Variants in RYR2 observed in about 807,000 individuals in gnomAD.
RYR2 encodes ryanodine receptor 2.
Under a neutral mutation model 601.1 loss-of-function variants are expected in RYR2, and 227 were observed. That is an observed-to-expected ratio of 0.38 (90% CI 0.34 to 0.42). The LOEUF (loss-of-function observed/expected upper bound fraction) is 0.42, where lower values mean the gene tolerates loss of function less well. Ranked by LOEUF, RYR2 falls within the 10% of genes least tolerant of loss-of-function variation. The pLI, the probability that RYR2 is intolerant of heterozygous loss-of-function variation, is 1.00. For synonymous variants in RYR2, 2,223 were observed against 2,175.1 expected (o/e 1.02, Z -0.61); for missense variants, 4,646 against 6,156.5 (o/e 0.75, Z 8.21).
At chr1:237,327,276 G>A (rs1315521830) in intron 2 of RYR2, among the ~76,000 whole-genome samples, 1 of 152,058 alleles carries the variant, frequency 6.6e-6, no homozygotes, top group African/African-American at 2.4e-5. Flanking sequence ...TAAGACACAG[G>A]GAATTGCCTT....
intron 2 of RYR2, among the ~76,000 whole-genome samples, chr1:237,278,053 T>C (rs1043915691): frequency 2.6e-5 from 4 of 151,900 alleles, no homozygotes; most frequent in Non-Finnish European, 4.4e-5. Flanking sequence ...CTGTTTTTCT[T>C]TGTGGATTTT....
intron 10 of RYR2, among the ~76,000 whole-genome samples, chr1:237,395,611 A>G (rs1702774089): frequency 7.4e-6 from 1 of 134,358 alleles, no homozygotes; most frequent in African/African-American, 2.9e-5. Flanking sequence ...CAGTGGCGCG[A>G]TCTCTGCTCA....
chr1:237,398,733 C>A (rs1406996619), intron 10 of RYR2, among the ~76,000 whole-genome samples: 1 of 152,212 alleles, frequency 6.6e-6, no homozygotes, highest in African/African-American at 2.4e-5. Flanking sequence ...CAATAGTACT[C>A]CTGGGCATTT....
intron 73 of RYR2, among the ~76,000 whole-genome samples, chr1:237,722,282 A>C (rs1488464173): frequency 6.6e-6 from 1 of 152,096 alleles, no homozygotes; most frequent in East Asian, 1.9e-4. Flanking sequence ...AAATCTACCC[A>C]ACCACCAAAG....
At chr1:237,325,182 T>C (rs1405529463) in intron 2 of RYR2, among the ~76,000 whole-genome samples, 3 of 152,210 alleles carry the variant, frequency 2.0e-5, no homozygotes, top group African/African-American at 7.2e-5. Context: ...TCAGCAGGAA[T>C]ATGGTGTATC....
At chr1:237,178,416 CTGTGTGTGTGTGTGTGTGTGTGTG>C (rs201867544) in intron 1 of RYR2, among the ~76,000 whole-genome samples, 218 of 129,786 alleles carry the variant, frequency 1.7e-3, no homozygotes, top group Admixed American at 7.6e-3. Flanking sequence ...AGTTAAGGCT[CTGTGTGTGTGTGTGTGTGTGTGTG>C]TGTGTGTGTG....
intron 71 of RYR2, among the ~76,000 whole-genome samples, chr1:237,715,593 G>A (rs1322026055): frequency 6.6e-6 from 1 of 152,046 alleles, no homozygotes; most frequent in East Asian, 1.9e-4. Flanking sequence ...CCAGATATAA[G>A]CTCCTTCTGC....
intron 1 of RYR2, among the ~76,000 whole-genome samples, chr1:237,086,099 A>C (rs1231312937): frequency 6.6e-6 from 1 of 152,262 alleles, no homozygotes; most frequent in Non-Finnish European, 1.5e-5. Context: ...TAATGCCTGC[A>C]TTAGTTTGCC....
At chr1:237,467,653 G>A (rs1302409926) in intron 16 of RYR2, among the ~76,000 whole-genome samples, 3 of 152,098 alleles carry the variant, frequency 2.0e-5, no homozygotes, top group African/African-American at 7.2e-5. Context: ...CGTCTTTTCT[G>A]TGTGTTTCTT....
At chr1:237,265,519 A>G (rs1688976601) in intron 1 of RYR2, among the ~76,000 whole-genome samples, 1 of 151,964 alleles carries the variant, frequency 6.6e-6, no homozygotes, top group Non-Finnish European at 1.5e-5. Flanking sequence ...ATGGGGTTTC[A>G]CCATGTTGGC....
chr1:237,103,492 C>G (rs1199487580), intron 1 of RYR2, among the ~76,000 whole-genome samples: 1 of 152,220 alleles, frequency 6.6e-6, no homozygotes, highest in Non-Finnish European at 1.5e-5. Context: ...GTAACTGCTT[C>G]TGTGTGTGTC....
chr1:237,214,152 C>A (rs887637204), intron 1 of RYR2, among the ~76,000 whole-genome samples: 3 of 151,930 alleles, frequency 2.0e-5, no homozygotes, highest in African/African-American at 7.3e-5. Context: ...AACTCCTGAC[C>A]TCAAATGATC....
At chr1:237,674,648 C>T (rs1685239742) in intron 59 of RYR2, 83 bp from the exon 60 acceptor site, 1 of 712,882 alleles carries the variant, frequency 1.4e-6, no homozygotes, top group Non-Finnish European at 2.6e-6. Flanking sequence ...TGTATATACA[C>T]ATATATATAT....
chr1:237,748,899 G>A (rs1175981108), intron 80 of RYR2, among the ~76,000 whole-genome samples: 1 of 152,144 alleles, frequency 6.6e-6, no homozygotes, highest in East Asian at 1.9e-4. Flanking sequence ...CAATACAGCA[G>A]AACAACTACT....
intron 2 of RYR2, among the ~76,000 whole-genome samples, chr1:237,325,967 C>T (rs1696133216): frequency 6.6e-6 from 1 of 152,030 alleles, no homozygotes; most frequent in African/African-American, 2.4e-5. Flanking sequence ...TATTAGTATG[C>T]AGTTTTTACA....
At chr1:237,708,197 A>G (rs1688540597) in intron 68 of RYR2, among the ~76,000 whole-genome samples, 1 of 152,174 alleles carries the variant, frequency 6.6e-6, no homozygotes, top group Non-Finnish European at 1.5e-5. Context: ...TGTATAATAT[A>G]TATGTAAATG....
Position 237,106,091 on chromosome 1 carries a change from A to G in RYR2, c.48+63522A>G, listed in dbSNP as rs1262325145. 3.3e-5 allele frequency among the ~76,000 whole-genome samples: 5 copies of G among 152,018 alleles called. No homozygotes were observed. The highest frequency in any genetic ancestry group is 1.2e-4 in the African/African-American group (5 of 41,410). Reference sequence around the variant, plus strand: ...CGGGTGTGGGCCGGGCAGGTGGAGGAGGCCTTGAGGGCTGTTGAGAGGACT... The same window carrying G: ...CGGGTGTGGGCCGGGCAGGTGGAGGGGGCCTTGAGGGCTGTTGAGAGGACT... On this transcript the variant is annotated intron_variant, in intron 1 of 104. Transcript: ENST00000366574. This position sits in a 1 kb window ranked among gnomAD's most constrained non-coding sequence, Gnocchi z 4.4.
intron 3 of RYR2, among the ~76,000 whole-genome samples, chr1:237,338,357 G>A (rs1457830210): frequency 2.0e-5 from 3 of 152,142 alleles, no homozygotes; most frequent in Non-Finnish European, 4.4e-5. Context: ...TTCATTCTCT[G>A]AAGGTTTTCT....
chr1:237,457,112 T>C (rs1004400689), intron 16 of RYR2, among the ~76,000 whole-genome samples: 4 of 152,124 alleles, frequency 2.6e-5, no homozygotes, highest in Non-Finnish European at 5.9e-5. Flanking sequence ...GAGGAGAAAG[T>C]CATTCAGGGT....
Sources: gnomAD v4.1 joint callset for allele counts (sites outside exome capture counted in the v4.1 genomes callset) on GRCh38, gnomAD v4.1.1 for gene constraint, Gnocchi (gnomAD v3.1) non-coding constraint, MANE v1.5 for transcripts, NCBI Gene and HGNC (gene_info 2026-07-23, HGNC 2026-07-21) for gene names.